The following MDGA2 variants were observed in gnomAD, a reference collection of about 807,000 sequenced individuals.
MDGA2 encodes MAM domain containing glycosylphosphatidylinositol anchor 2.
Under a neutral mutation model 117.8 loss-of-function variants are expected in MDGA2, and 40 were observed. The observed-to-expected ratio is 0.34, with a 90% confidence interval of 0.26 to 0.44. The LOEUF (loss-of-function observed/expected upper bound fraction) is 0.44, where lower values mean the gene tolerates loss of function less well. Among genes scored for constraint, MDGA2 ranks in the 20% least tolerant of loss-of-function variants. MDGA2 has a pLI of 1.00. For synonymous variants in MDGA2, 452 were observed against 439.0 expected (o/e 1.03, Z -0.37); for missense variants, 1,123 against 1,250.6 (o/e 0.90, Z 1.54).
intron 3 of MDGA2, among the ~76,000 whole-genome samples, chr14:47,195,802 T>C (rs1217759200): frequency 6.6e-6 from 1 of 152,014 alleles, no homozygotes; most frequent in Admixed American, 6.6e-5. Flanking sequence ...GCCTGAGAAG[T>C]GCATTTATAG....
At chr14:47,332,358 G>C (rs999494196) in intron 1 of MDGA2, among the ~76,000 whole-genome samples, 1 of 151,848 alleles carries the variant, frequency 6.6e-6, no homozygotes, top group Admixed American at 6.6e-5. Flanking sequence ...CACAACATTG[G>C]CAGAATTCAG....
chr14:46,998,007 T>C lies in MDGA2; in HGVS notation c.1819+37004A>G, dbSNP rs149900859. Among the ~76,000 whole-genome samples, 37 of 152,034 alleles carry C rather than the reference T, an allele frequency of 2.4e-4. No individual in the cohort carries two copies. In the East Asian group the frequency reaches 6.6e-3, roughly 27 times the overall value. ...TTGAAGACTTTTGAATAATCCTTAT[T>C]GAATATCATCAGAAAAAAAATAAGA... On this transcript the variant is annotated intron_variant, in intron 8 of 16. Coordinates refer to ENST00000399232, the MANE Select transcript of MDGA2 (RefSeq NM_001113498.3).
At chr14:47,100,069 T>C (rs1438946408) in intron 5 of MDGA2, among the ~76,000 whole-genome samples, 1 of 152,082 alleles carries the variant, frequency 6.6e-6, no homozygotes, top group East Asian at 1.9e-4. Flanking sequence ...CTCTACCATT[T>C]TGACTTTTGA....
At chr14:47,163,315 G>T (rs1249443760) in intron 3 of MDGA2, among the ~76,000 whole-genome samples, 1 of 152,102 alleles carries the variant, frequency 6.6e-6, no homozygotes, top group African/African-American at 2.4e-5. Context: ...GGCAAGGTTT[G>T]GCTCTGTGTC....
At chr14:47,330,371 T>G (rs978728078) in intron 1 of MDGA2, among the ~76,000 whole-genome samples, 1 of 151,980 alleles carries the variant, frequency 6.6e-6, no homozygotes, top group East Asian at 1.9e-4. Context: ...GTGTCTGTGC[T>G]TTAAATAACT....
At chr14:47,661,655 G>T (rs181193506) in intron 1 of MDGA2, among the ~76,000 whole-genome samples, 23 of 151,972 alleles carry the variant, frequency 1.5e-4, no homozygotes, top group Admixed American at 9.2e-4. Context: ...TTACTGTAAT[G>T]CAGGTGGAAT....
chr14:47,550,275 T>C (rs895272599), intron 1 of MDGA2, among the ~76,000 whole-genome samples: 2 of 152,258 alleles, frequency 1.3e-5, no homozygotes, highest in Non-Finnish European at 2.9e-5. Flanking sequence ...CTAAACTAGA[T>C]ATTTAAGGCT....
intron 1 of MDGA2, among the ~76,000 whole-genome samples, chr14:47,386,549 T>A (rs1326896843): frequency 6.6e-6 from 1 of 152,110 alleles, no homozygotes; most frequent in Non-Finnish European, 1.5e-5. Context: ...GAAATGGTAA[T>A]ATAAAATGTG....
chr14:47,559,306 T>C (rs1391601181), intron 1 of MDGA2, among the ~76,000 whole-genome samples: 5 of 152,294 alleles, frequency 3.3e-5, no homozygotes, highest in Admixed American at 2.6e-4. Context: ...ATATACTTGA[T>C]GTTTAGCTGT....
intron 1 of MDGA2, among the ~76,000 whole-genome samples, chr14:47,673,676 A>C (rs1046053478): frequency 9.3e-5 from 10 of 107,158 alleles, no homozygotes; most frequent in African/African-American, 3.3e-4. Context: ...GTGTGCTTCC[A>C]TCCTGAAAGC....
intron 8 of MDGA2, among the ~76,000 whole-genome samples, chr14:47,015,461 A>G (rs1268368235): frequency 6.6e-6 from 1 of 152,048 alleles, no homozygotes; most frequent in African/African-American, 2.4e-5. Context: ...AAAAAAAGGA[A>G]GGAGAAATGT....
chr14:47,378,745 T>C (rs1891538849), intron 1 of MDGA2, among the ~76,000 whole-genome samples: 1 of 152,120 alleles, frequency 6.6e-6, no homozygotes, highest in African/African-American at 2.4e-5. Context: ...GTCTGATTGG[T>C]GTACATTAAA....
chr14:47,200,930 C>G (rs953457991), intron 3 of MDGA2: 19 of 834,250 alleles, frequency 2.3e-5, no homozygotes, highest in Admixed American at 8.7e-5. Context: ...GGGCAGCAAG[C>G]CTCGCTCGGT....
chr14:47,211,875 T>G (rs1885895754), intron 3 of MDGA2, among the ~76,000 whole-genome samples: 1 of 152,204 alleles, frequency 6.6e-6, no homozygotes, highest in Non-Finnish European at 1.5e-5. Flanking sequence ...TGGCATAATT[T>G]ATGTTATTAA....
intron 5 of MDGA2, among the ~76,000 whole-genome samples, chr14:47,124,448 C>A (rs1185462969): frequency 2.6e-5 from 4 of 152,056 alleles, no homozygotes; most frequent in South Asian, 4.1e-4. Context: ...AATTTGAGTT[C>A]TCAGTGAGGA....
intron 1 of MDGA2, among the ~76,000 whole-genome samples, chr14:47,528,512 G>T (rs1207697104): frequency 6.6e-6 from 1 of 152,104 alleles, no homozygotes. Context: ...AGGAGATCAT[G>T]GTCTCTTCTG....
intron 3 of MDGA2, among the ~76,000 whole-genome samples, chr14:47,171,429 T>A (rs1295809636): frequency 6.6e-6 from 1 of 152,176 alleles, no homozygotes; most frequent in Non-Finnish European, 1.5e-5. Context: ...TTCCTTTGGA[T>A]TAACTGGAAG....
intron 1 of MDGA2, among the ~76,000 whole-genome samples, chr14:47,329,237 T>A (rs1281265187): frequency 1.3e-5 from 2 of 152,024 alleles, no homozygotes; most frequent in Non-Finnish European, 2.9e-5. Flanking sequence ...CAGCCCGTAG[T>A]CTCTATTATG....
chr14:47,171,350 T>C (rs984222235), intron 3 of MDGA2, among the ~76,000 whole-genome samples: 1 of 152,064 alleles, frequency 6.6e-6, no homozygotes, highest in Non-Finnish European at 1.5e-5. Context: ...GAATATGCCA[T>C]AAAAACAAGT....
Sources: allele counts gnomAD v4.1 joint callset (sites outside exome capture counted in the v4.1 genomes callset), GRCh38; gene constraint gnomAD v4.1.1; transcripts MANE v1.5; gene names NCBI Gene and HGNC (gene_info 2026-07-23, HGNC 2026-07-21).